Variants in PAK1 observed in about 807,000 individuals in gnomAD.
The protein encoded by PAK1 is serine/threonine-protein kinase PAK 1.
A neutral mutation model predicts 67.4 loss-of-function variants in PAK1; 29 were observed. That is an observed-to-expected ratio of 0.43 (90% CI 0.32 to 0.59). The LOEUF (loss-of-function observed/expected upper bound fraction) is 0.59, where lower values mean the gene tolerates loss of function less well. PAK1 is among the 20% of genes least tolerant of loss of function. PAK1 has a pLI of 0.07. For synonymous variants in PAK1, 223 were observed against 237.4 expected, an observed-to-expected ratio of 0.94 and a Z score of 0.56; for missense variants, 337 against 670.7, an observed-to-expected ratio of 0.50 and a Z score of 5.50.
chr11:77,432,715 T>G (rs1955918509), intron 1 of PAK1, among the ~76,000 whole-genome samples: 1 of 151,568 alleles, frequency 6.6e-6, no homozygotes, highest in African/African-American at 2.4e-5. Context: ...TATAGAAAAT[T>G]CTAAGGAATC....
At chr11:77,330,122 A>G (rs993175354) in intron 14 of PAK1, among the ~76,000 whole-genome samples, 1 of 152,200 alleles carries the variant, frequency 6.6e-6, no homozygotes, top group Admixed American at 6.5e-5. Flanking sequence ...CCACTGCTCA[A>G]TGAAATAAAA....
At chr11:77,336,701 C>T (rs1942747050) in intron 12 of PAK1, among the ~76,000 whole-genome samples, 1 of 152,136 alleles carries the variant, frequency 6.6e-6, no homozygotes, top group South Asian at 2.1e-4. Context: ...TATGACTAGG[C>T]ATGGCCCTGT....
upstream of PAK1, chr11:77,474,431 G>T (rs767994922): frequency 6.6e-6 from 1 of 152,270 alleles, no homozygotes; most frequent in African/African-American, 2.4e-5. Context: ...CACTGTTCTC[G>T]GTCCGCTGTC....
chr11:77,435,118 C>A (rs200379264), intron 1 of PAK1, among the ~76,000 whole-genome samples: 635 of 128,302 alleles, frequency 4.9e-3, no homozygotes, highest in Non-Finnish European at 6.1e-3. Flanking sequence ...TGTGAATATA[C>A]AAAAAAAAAA....
chr11:77,492,259 C>T, the PAK1 span, among the ~76,000 whole-genome samples: 2 of 151,350 alleles, frequency 1.3e-5, no homozygotes, highest in African/African-American at 4.9e-5. Context: ...CGCCTGAACC[C>T]GGGAGGCAGA....
intron 1 of PAK1, among the ~76,000 whole-genome samples, chr11:77,436,827 T>C (rs1452777062): frequency 6.6e-6 from 1 of 152,194 alleles, no homozygotes; most frequent in Non-Finnish European, 1.5e-5. Context: ...CAGTATTTCT[T>C]TGCTGTACAG....
chr11:77,373,738 A>T lies in PAK1; in HGVS notation c.477+590T>A, dbSNP rs567474392. 2.2e-4 allele frequency among the ~76,000 whole-genome samples: 34 copies of T among 152,326 alleles called. No individual in the cohort carries two copies. The East Asian group carries it at 3.1e-3, about 14-fold the overall frequency. Reference sequence around the variant, plus strand: ...TAGTTTACTCTCCAGCCAATTCTTCATGATTTCTATAACATCCATTTGAGT... The same window carrying T: ...TAGTTTACTCTCCAGCCAATTCTTCTTGATTTCTATAACATCCATTTGAGT... On this transcript the variant is annotated intron_variant, in intron 5 of 14. Transcript: ENST00000356341.
intron 5 of PAK1, among the ~76,000 whole-genome samples, chr11:77,371,741 C>A (rs1948456762): frequency 6.6e-6 from 1 of 152,186 alleles, no homozygotes; most frequent in South Asian, 2.1e-4. Context: ...TAGTGCTGGA[C>A]AAATGTTCTG....
intron 10 of PAK1, among the ~76,000 whole-genome samples, chr11:77,342,549 TATA>T (rs1276014624): frequency 2.6e-5 from 4 of 152,282 alleles, no homozygotes; most frequent in African/African-American, 9.6e-5. Flanking sequence ...ATATTCTCTG[TATA>T]ATAAGTTCTG....
At chr11:77,508,659 C>CTTT in the PAK1 span, among the ~76,000 whole-genome samples, 9 of 114,742 alleles carry the variant, frequency 7.8e-5, no homozygotes, top group Admixed American at 9.4e-5. Flanking sequence ...CATAGAGATT[C>CTTT]TTTTTTTTTT....
intron 11 of PAK1, among the ~76,000 whole-genome samples, chr11:77,337,670 G>T (rs1327503282): frequency 6.6e-6 from 1 of 152,064 alleles, no homozygotes; most frequent in Non-Finnish European, 1.5e-5. Context: ...TTAAGTAAAG[G>T]AGTTCCTCCA....
the PAK1 span, among the ~76,000 whole-genome samples, chr11:77,504,555 G>A: frequency 1.3e-5 from 2 of 152,184 alleles, no homozygotes; most frequent in African/African-American, 4.8e-5. Flanking sequence ...AAAGGTTGTT[G>A]CAATGTGGAA....
intron 5 of PAK1, among the ~76,000 whole-genome samples, chr11:77,373,057 C>A (rs1016847514): frequency 6.6e-6 from 1 of 152,204 alleles, no homozygotes; most frequent in African/African-American, 2.4e-5. Context: ...TCATGAAGAA[C>A]TGGCTGCTTG....
chr11:77,504,667 A>T, the PAK1 span, among the ~76,000 whole-genome samples: 1 of 152,222 alleles, frequency 6.6e-6, no homozygotes, highest in African/African-American at 2.4e-5. Context: ...AAGTGGGTTT[A>T]ACTTTATGGA....
chr11:77,387,793 A>T (rs1259561261), intron 2 of PAK1, among the ~76,000 whole-genome samples: 1 of 152,242 alleles, frequency 6.6e-6, no homozygotes, highest in Non-Finnish European at 1.5e-5. Flanking sequence ...AATCTGTGTT[A>T]TAAGTCCAGT....
At chr11:77,369,306 C>T (rs1054246056) in intron 5 of PAK1, among the ~76,000 whole-genome samples, 5 of 151,752 alleles carry the variant, frequency 3.3e-5, no homozygotes, top group Admixed American at 1.3e-4. Context: ...ACTCTACTGC[C>T]TCTGTTCTCT....
chr11:77,373,226 C>A (rs1345409952), intron 5 of PAK1, among the ~76,000 whole-genome samples: 1 of 152,082 alleles, frequency 6.6e-6, no homozygotes, highest in Admixed American at 6.6e-5. Context: ...GTACAAGAGA[C>A]AACATCAGAT....
Position 77,474,048 on chromosome 11 carries a change from C to CA in PAK1, c.-519dup, listed in dbSNP as rs1324460476. The CA allele has an allele frequency of 6.6e-6, 1 of 152,078 alleles. No homozygotes were observed. Among genetic ancestry groups the CA allele is most frequent in the African/African-American group, 2.4e-5 (1 of 41,350 alleles). 9.4% of individuals were successfully genotyped at this position (152,078 alleles called of 1,614,324 possible). A position where few individuals can be genotyped will look rare whatever the true frequency, so the allele number is the denominator to read the frequency against. On this transcript the variant is annotated 5_prime_UTR_variant, in exon 1 of 15. Transcript: ENST00000356341. The stretch of plus-strand genomic sequence containing the variant: ...CAGCCACCACCTTCGGCTCCGGCTG[C>CA]AGCCGCGGGAGGGCAGCCTCCCCCG...
intron 2 of PAK1, 29 bp from the exon 3 acceptor site, chr11:77,380,023 A>C: frequency 3.9e-6 from 6 of 1,533,418 alleles, no homozygotes; most frequent in Non-Finnish European, 5.4e-6. Flanking sequence ...AAAGGAAATA[A>C]AAAACAGGAA....
Sources: allele counts gnomAD v4.1 joint callset (sites outside exome capture counted in the v4.1 genomes callset), GRCh38; gene constraint gnomAD v4.1.1; transcripts MANE v1.5; gene names NCBI Gene and HGNC (gene_info 2026-07-23, HGNC 2026-07-21).